Variants in PCDHGB1 observed in about 807,000 individuals in gnomAD.
The protein encoded by PCDHGB1 is protocadherin gamma-B1.
Under a neutral mutation model 56.6 loss-of-function variants are expected in PCDHGB1, and 34 were observed. The ratio of observed to expected loss-of-function variants is 0.60; its 90% CI spans 0.46 to 0.80. The LOEUF (loss-of-function observed/expected upper bound fraction) is 0.80, where lower values mean the gene tolerates loss of function less well. Among genes scored for constraint, PCDHGB1 ranks in the 30% least tolerant of loss-of-function variants. The probability of loss-of-function intolerance (pLI) is 0.00; values close to 1 mark genes in which losing one functional copy is unlikely to be tolerated. For missense variants in PCDHGB1, 1,278 were observed against 1,204.6 expected (o/e 1.06, Z -0.90); for synonymous variants, 561 against 505.9 (o/e 1.11, Z -1.46).
At chr5:141,434,920 A>G (rs927245955) in intron 1 of PCDHGB1, among the ~76,000 whole-genome samples, 3 of 151,796 alleles carry the variant, frequency 2.0e-5, no homozygotes, top group East Asian at 1.9e-4. Flanking sequence ...ATTTATGTAC[A>G]TATATTTTAT....
At chr5:141,378,598 G>C (rs1374032317) in intron 1 of PCDHGB1, 4 of 152,136 alleles carry the variant, frequency 2.6e-5, no homozygotes, top group Admixed American at 6.5e-5. Context: ...TCTGCTTACA[G>C]GACATATCTC....
intron 1 of PCDHGB1, chr5:141,426,585 T>C (rs2096944493): frequency 2.8e-6 from 1 of 358,848 alleles, no homozygotes; most frequent in African/African-American, 2.1e-5. Flanking sequence ...CAAAATCCTC[T>C]GTGTCATACC....
Position 141,487,494 on chromosome 5 carries a change from C to A in PCDHGB1, c.2410-7313C>A, listed in dbSNP as rs116370895. On this transcript the variant is annotated intron_variant, in intron 1 of 3. Transcript: ENST00000523390. The surrounding 1 kb of genome is among the most constrained non-coding windows in gnomAD (Gnocchi z 5.0). The stretch of plus-strand genomic sequence containing the variant: ...GGAGGCCACTCTCATGGCTGTACAC[C>A]CTTGGCTTCTGCACCCACTCGGAGT... 1,421 of 1,614,120 alleles carry A rather than the reference C, an allele frequency of 8.8e-4. 3 individuals are homozygous for A. Among genetic ancestry groups the A allele is most frequent in the Non-Finnish European group, 1.2e-3 (1,358 of 1,180,034 alleles).
chr5:141,399,893 C>G (rs2093913222), intron 1 of PCDHGB1: 2 of 1,612,566 alleles, frequency 1.2e-6, no homozygotes, highest in Non-Finnish European at 1.7e-6. Flanking sequence ...AAGGTAGTGG[C>G]CGTGGACGCA....
intron 1 of PCDHGB1, among the ~76,000 whole-genome samples, chr5:141,444,253 C>T (rs2154560603): frequency 7.0e-6 from 1 of 142,690 alleles, no homozygotes; most frequent in South Asian, 2.3e-4. Flanking sequence ...CTCACTGCAA[C>T]CTCCGCCTCC....
chr5:141,437,217 T>G (rs2097868672), intron 1 of PCDHGB1, among the ~76,000 whole-genome samples: 1 of 152,230 alleles, frequency 6.6e-6, no homozygotes, highest in Admixed American at 6.5e-5. Flanking sequence ...TTATTCTGAT[T>G]CCAGTCATAA....
chr5:141,363,496 A>G (rs1762946791), intron 1 of PCDHGB1, among the ~76,000 whole-genome samples: 1 of 152,378 alleles, frequency 6.6e-6, no homozygotes, highest in South Asian at 2.1e-4. Context: ...GATGAAATAA[A>G]ACCCCATCCT....
At chr5:141,425,018 T>C (rs2096853023) in intron 1 of PCDHGB1, among the ~76,000 whole-genome samples, 1 of 152,224 alleles carries the variant, frequency 6.6e-6, no homozygotes, top group Non-Finnish European at 1.5e-5. Context: ...TTTAGGAATT[T>C]ACCTTATGTC....
intron 1 of PCDHGB1, chr5:141,390,163 C>CG (rs780815400): frequency 1.2e-6 from 2 of 1,613,992 alleles, no homozygotes; most frequent in Admixed American, 1.7e-5. Context: ...ACAGGAAAGA[C>CG]GGAGTTTAAT....
chr5:141,351,615 C>T lies in PCDHGB1; in HGVS notation c.1355C>T (p.Ser452Phe), dbSNP rs1400387546. The T allele has an allele frequency of 1.2e-6, 2 of 1,614,066 alleles. No homozygotes were observed. The highest frequency in any genetic ancestry group is 1.7e-6 in the Non-Finnish European group (2 of 1,179,902). ...AATGCACCTGTTTTCCATCAGGCCT[C>T]CTATGTGGTCCACGTGTCTGAGAAC... is the stretch of plus-strand genomic sequence containing the variant. ...NDNAPVFHQA[S>F]YVVHVSENNP... The change falls in exon 1 of 4, where the codon TCC becomes TTC. Residue 452 changes from serine (S) to phenylalanine (F), a missense_variant. Ser to Phe is a radical substitution (Grantham distance 155). Coordinates refer to ENST00000523390, the MANE Select transcript of PCDHGB1 (RefSeq NM_018922.3).
At chr5:141,435,877 G>A (rs1554127514) in intron 1 of PCDHGB1, among the ~76,000 whole-genome samples, 1 of 152,092 alleles carries the variant, frequency 6.6e-6, no homozygotes, top group Non-Finnish European at 1.5e-5. Flanking sequence ...AAAAGAGATT[G>A]GAAACCCCTT....
At chr5:141,440,501 A>G (rs2098183001) in intron 1 of PCDHGB1, 1 of 152,174 alleles carries the variant, frequency 6.6e-6, no homozygotes, top group African/African-American at 2.4e-5. Context: ...TCACATTAAT[A>G]TGGAGATTCA....
intron 1 of PCDHGB1, chr5:141,371,217 GC>G (rs1377737380): frequency 6.2e-7 from 1 of 1,613,922 alleles, no homozygotes; most frequent in African/African-American, 1.3e-5. Context: ...GGGCATCAAT[GC>G]CGAAATCATC....
intron 1 of PCDHGB1, among the ~76,000 whole-genome samples, chr5:141,451,395 A>G (rs2098715118): frequency 6.6e-6 from 1 of 152,184 alleles, no homozygotes; most frequent in Admixed American, 6.6e-5. Context: ...AGTTAATGGC[A>G]AAATTAAGTT....
chr5:141,372,143 G>T, intron 1 of PCDHGB1: 2 of 1,613,784 alleles, frequency 1.2e-6, no homozygotes, highest in Admixed American at 1.7e-5. Context: ...GCTCTGCAGA[G>T]CCTGGCTACC....
intron 1 of PCDHGB1, chr5:141,356,345 T>C (rs1223520317): frequency 1.3e-6 from 2 of 1,555,176 alleles, no homozygotes; most frequent in African/African-American, 2.7e-5. Context: ...AATGGCCTAG[T>C]CACATGTTCT....
chr5:141,362,663 G>A, intron 1 of PCDHGB1: 1 of 1,339,920 alleles, frequency 7.5e-7, no homozygotes. Flanking sequence ...TTTGGCCAAT[G>A]TTGTGCCTTA....
intron 1 of PCDHGB1, chr5:141,441,795 C>T (rs569465359): frequency 2.6e-6 from 1 of 387,758 alleles, no homozygotes; most frequent in Non-Finnish European, 5.1e-6. Flanking sequence ...TGACAACGCA[C>T]CGCGGGTGCT....
Position 141,351,074 on chromosome 5 carries a change from G to A in PCDHGB1, c.814G>A (p.Ala272Thr). Residue 272 changes from alanine to threonine, a missense_variant, in exon 1 of 4, where the codon GCA (alanine) becomes ACA (threonine). Transcript: ENST00000523390. The stretch of plus-strand genomic sequence containing the variant: ...CACAGACCAGGATGAGGGCATTAAT[G>A]CAGAGATCACCTATGCCTTCCTCAA... ...MATDQDEGIN[A>T]EITYAFLNSP... 2.5e-6 allele frequency: 4 copies of A among 1,614,076 alleles called. No individual in the cohort carries two copies. Among genetic ancestry groups the A allele is most frequent in the Non-Finnish European group, 3.4e-6 (4 of 1,179,912 alleles).
Sources: allele counts gnomAD v4.1 joint callset (sites outside exome capture counted in the v4.1 genomes callset), GRCh38; gene constraint gnomAD v4.1.1; non-coding constraint Gnocchi (gnomAD v3.1); transcripts MANE v1.5; gene names NCBI Gene and HGNC (gene_info 2026-07-23, HGNC 2026-07-21).